PDZD11: variants seen among roughly 807,000 people sequenced by gnomAD.
The protein encoded by PDZD11 is PDZ domain containing 11.
PDZD11 carries 2 observed loss-of-function variants against 13.7 expected under a neutral mutation model. The ratio of observed to expected loss-of-function variants is 0.15; its 90% CI spans 0.06 to 0.46. PDZD11 has a LOEUF of 0.46. Ranked by LOEUF, PDZD11 falls within the 20% of genes least tolerant of loss-of-function variation. The pLI is 0.98. For synonymous variants in PDZD11, 32 were observed against 37.5 expected (o/e 0.85, Z 0.54); for missense variants, 44 against 111.7 (o/e 0.39, Z 2.73).
At chrX:70,289,223 A>G (rs1292879598) in intron 2 of PDZD11, 32 bp downstream of exon 2, 19 of 1,149,101 alleles carry the variant, frequency 1.7e-5, no homozygotes, top group Non-Finnish European at 2.0e-5. Context: ...GGGGAAAAAA[A>G]TCTCCTACTC....
At chrX:70,289,095 T>G (rs765924329) in intron 2 of PDZD11, among the ~76,000 whole-genome samples, 160 bp downstream of exon 2, 3 of 112,054 alleles carry the variant, frequency 2.7e-5, no homozygotes, top group Admixed American at 9.4e-5. Context: ...AAGTTCCCAA[T>G]GGGTCCTGTT....
intron 2 of PDZD11, 137 bp downstream of exon 2, chrX:70,289,118 G>A (rs916433975): frequency 2.0e-6 from 1 of 509,812 alleles, no homozygotes; most frequent in African/African-American, 2.4e-5. Context: ...TCAGAATCCA[G>A]CTTCTGGGTC....
Position 70,289,347 on chromosome X carries a change from G to A in PDZD11, c.-6C>T. ...TAAGGAATCCGGCTGTCCATCTCGGGCAAGGCCCTGGAAGAGTGAATCAGA... is the reference window on the plus strand; with the variant it reads ...TAAGGAATCCGGCTGTCCATCTCGGACAAGGCCCTGGAAGAGTGAATCAGA... On this transcript the variant is annotated 5_prime_UTR_variant, in exon 2 of 7. Coordinates refer to ENST00000239666, the MANE Select transcript of PDZD11 (RefSeq NM_016484.5). 4.1e-6 allele frequency: 5 copies of A among 1,205,200 alleles called. No homozygotes were observed. Among genetic ancestry groups the A allele is most frequent in the Non-Finnish European group, 5.6e-6 (5 of 891,803 alleles).
chrX:70,287,535 G>A (rs767562458), intron 5 of PDZD11, among the ~76,000 whole-genome samples, 197 bp downstream of exon 5: 15 of 110,993 alleles, frequency 1.4e-4, no homozygotes, highest in Non-Finnish European at 2.6e-4. Context: ...GTCTTGCTGC[G>A]TTGCCTGGGC....
At chrX:70,287,163 C>G (rs185999209) in intron 6 of PDZD11, 47 bp from the exon 7 acceptor site, 1 of 1,167,851 alleles carries the variant, frequency 8.6e-7, no homozygotes. Flanking sequence ...GTTATCTTCA[C>G]GCTTGAGCTC....
Position 70,289,525 on chromosome X carries a change from G to A in PDZD11, c.-13-171C>T, listed in dbSNP as rs2085744703. 3.7e-6 allele frequency: 3 copies of A among 805,715 alleles called. No homozygotes were observed. The South Asian group carries it at 9.1e-5, about 25-fold the overall frequency. 66.4% of individuals were successfully genotyped at this position (805,715 alleles called of 1,213,427 possible). On this transcript the variant is annotated intron_variant, in intron 1 of 6. Transcript: ENST00000239666. The stretch of plus-strand genomic sequence containing the variant: ...AAGACAGAAGAAAACTCTTAACTTA[G>A]CTAAACATCTTCTGGATGCCAAGCA...
At position 70,288,450 on chromosome X, in the gene PDZD11, T is replaced by C; in HGVS notation, c.151A>G (p.Lys51Glu). ...TTCACCTGAGCTCCAGGAGGCTTCTTCAGTGTGATGGTTCGGGGCAGAAAC... is the reference window on the plus strand; with the variant it reads ...TTCACCTGAGCTCCAGGAGGCTTCTCCAGTGTGATGGTTCGGGGCAGAAAC... ...TQFLPRTITL[K>E]KPPGAQLGFN... Residue 51 changes from lysine (K) to glutamate (E), a missense_variant, in exon 3 of 7, where the codon AAG (lysine) becomes GAG (glutamate). Lys to Glu is a moderately conservative substitution (Grantham distance 56). Coordinates refer to ENST00000239666, the MANE Select transcript of PDZD11 (RefSeq NM_016484.5). 1 of 1,210,819 alleles carries C rather than the reference T, an allele frequency of 8.3e-7. No individual in the cohort carries two copies. The highest frequency in any genetic ancestry group is 1.1e-6 in the Non-Finnish European group (1 of 894,555).
chrX:70,288,277 A>G, intron 3 of PDZD11, 104 bp from the exon 4 acceptor site: 1 of 883,104 alleles, frequency 1.1e-6, no homozygotes, highest in Non-Finnish European at 1.6e-6. Flanking sequence ...CCCTGAGAGG[A>G]AAGTCAGAAG....
intron 2 of PDZD11, among the ~76,000 whole-genome samples, chrX:70,288,996 G>A (rs1395826317): frequency 9.0e-6 from 1 of 111,666 alleles, no homozygotes; most frequent in Non-Finnish European, 1.9e-5. Flanking sequence ...GAGCCACCGC[G>A]CTGAACCTCT....
intron 5 of PDZD11, 38 bp downstream of exon 5, chrX:70,287,694 G>C (rs376659417): frequency 2.0e-6 from 2 of 1,015,488 alleles, no homozygotes; most frequent in Non-Finnish European, 2.8e-6. Context: ...TATTTGAGAT[G>C]GCTTCTTGCA....
At chrX:70,288,033 C>CA in intron 4 of PDZD11, 84 bp downstream of exon 4, 1 of 864,643 alleles carries the variant, frequency 1.2e-6, no homozygotes, top group South Asian at 2.2e-5. Context: ...GTCATCCTCT[C>CA]AGCCCTTGGG....
chrX:70,287,623 G>A (rs1417848297), intron 5 of PDZD11, 109 bp downstream of exon 5: 12 of 608,288 alleles, frequency 2.0e-5, no homozygotes, highest in Non-Finnish European at 2.7e-5. Flanking sequence ...GTGTACCACA[G>A]TGCCCAGCAA....
At chrX:70,288,040 T>C in intron 4 of PDZD11, 77 bp downstream of exon 4, 1 of 899,197 alleles carries the variant, frequency 1.1e-6, no homozygotes, top group Non-Finnish European at 1.6e-6. Context: ...TCTCAGCCCT[T>C]GGGACATTAG....
At chrX:70,287,465 G>C (rs2085725818) in intron 5 of PDZD11, 129 bp from the exon 6 acceptor site, 9 of 553,166 alleles carry the variant, frequency 1.6e-5, no homozygotes, top group Non-Finnish European at 2.8e-5. Flanking sequence ...TACTTTCCCA[G>C]GAGAGGTGCT....
chrX:70,289,386 G>T (rs1364723067), intron 1 of PDZD11, 32 bp from the exon 2 acceptor site: 1 of 1,185,762 alleles, frequency 8.4e-7, no homozygotes, highest in African/African-American at 1.7e-5. Flanking sequence ...GACAAAAAGT[G>T]GTTCAAAAGG....
At position 70,287,118 on chromosome X, in the gene PDZD11, TGAAGGAAAGAA is replaced by T; in HGVS notation, c.389-13_389-3del. On this transcript the variant is annotated splice_region_variant and splice_polypyrimidine_tract_variant and intron_variant, in intron 6 of 6. Transcript: ENST00000239666. Reference sequence around the variant, plus strand: ...TCCTCTCTTTTTGGCGATGATAATCTGAAGGAAAGAAGAAGAAAAGGAGGAACAGAGCAGGT... The same window carrying T: ...TCCTCTCTTTTTGGCGATGATAATCTGAAGAAAAGGAGGAACAGAGCAGGT... The T allele has an allele frequency of 8.3e-7, 1 of 1,198,937 alleles. No homozygotes were observed. Among genetic ancestry groups the T allele is most frequent in the Non-Finnish European group, 1.1e-6 (1 of 888,212 alleles).
At chrX:70,289,449 C>A in intron 1 of PDZD11, 95 bp from the exon 2 acceptor site, 1 of 1,156,427 alleles carries the variant, frequency 8.6e-7, no homozygotes, top group Non-Finnish European at 1.2e-6. Context: ...CCAAGGCAGT[C>A]AGTCTACAGG....
rs1300407837 is a variant in PDZD11, at chrX:70,286,790, T to A, written c.*292A>T. The A allele has an allele frequency of 3.4e-6, 1 of 296,225 alleles. No individual in the cohort carries two copies. The highest frequency in any genetic ancestry group is 2.7e-5 in the African/African-American group (1 of 37,201). 24.4% of individuals were successfully genotyped at this position (296,225 alleles called of 1,213,427 possible). A position where few individuals can be genotyped will look rare whatever the true frequency, so the allele number is the denominator to read the frequency against. ...ATTTCTATAATTAAAATATGACATA[T>A]GTAAGGGACTAGTGCATGATATTCA... On this transcript the variant is annotated 3_prime_UTR_variant, in exon 7 of 7. Coordinates refer to ENST00000239666, the MANE Select transcript of PDZD11 (RefSeq NM_016484.5).
In PDZD11 at chrX:70,287,694, G is replaced by A. The variant is rs376659417; in HGVS notation, c.327+38C>T. The stretch of plus-strand genomic sequence containing the variant: ...CTGTCCAATCTGTCCTATTTGAGAT[G>A]GCTTCTTGCAGCACCACAGCCCAAG... On this transcript the variant is annotated intron_variant, in intron 5 of 6. Transcript: ENST00000239666. 17 of 1,013,636 alleles carry A rather than the reference G, an allele frequency of 1.7e-5. No individual in the cohort carries two copies. The African/African-American group carries it at 3.2e-4, about 19-fold the overall frequency. 83.5% of individuals were successfully genotyped at this position (1,013,636 alleles called of 1,213,427 possible).
Sources: allele counts gnomAD v4.1 joint callset (sites outside exome capture counted in the v4.1 genomes callset), GRCh38; gene constraint gnomAD v4.1.1; transcripts MANE v1.5; gene names NCBI Gene and HGNC (gene_info 2026-07-23, HGNC 2026-07-21).